SLC10A7: variants seen among roughly 807,000 people sequenced by gnomAD.
SLC10A7 encodes the protein solute carrier family 10 member 7.
SLC10A7 carries 29 observed loss-of-function variants against 43.2 expected under a neutral mutation model. The observed-to-expected ratio is 0.67, with a 90% confidence interval of 0.50 to 0.92. The LOEUF (loss-of-function observed/expected upper bound fraction) is 0.92. Among genes scored for constraint, SLC10A7 ranks in the 40% least tolerant of loss-of-function variants. SLC10A7 has a pLI of 0.00. For synonymous variants in SLC10A7, 152 were observed against 144.8 expected, an observed-to-expected ratio of 1.05 and a Z score of -0.35; for missense variants, 295 against 403.2, an observed-to-expected ratio of 0.73 and a Z score of 2.30.
chr4:146,407,528 T>C (rs914853521), intron 5 of SLC10A7, among the ~76,000 whole-genome samples: 10 of 152,188 alleles, frequency 6.6e-5, no homozygotes, highest in Non-Finnish European at 1.5e-4. Context: ...TGAACAACCA[T>C]TTCCCCCACA....
At chr4:146,315,297 T>C (rs745979417) in intron 6 of SLC10A7, among the ~76,000 whole-genome samples, 17 of 152,104 alleles carry the variant, frequency 1.1e-4, no homozygotes, top group Non-Finnish European at 2.2e-4. Flanking sequence ...ACTTTTCAAG[T>C]TTTAGAATCT....
chr4:146,369,729 G>A (rs920763602), intron 5 of SLC10A7, among the ~76,000 whole-genome samples: 15 of 152,206 alleles, frequency 9.9e-5, no homozygotes, highest in Middle Eastern at 3.4e-3. Flanking sequence ...CATAGCCTAG[G>A]AATCCCAATA....
chr4:146,335,251 T>TAAAA (rs34522588), intron 5 of SLC10A7, among the ~76,000 whole-genome samples: 7 of 92,636 alleles, frequency 7.6e-5, no homozygotes, highest in African/African-American at 3.0e-4. Context: ...ACAGATGTTG[T>TAAAA]AAAAAAAAAA....
chr4:146,451,567 G>A (rs1731607790), intron 4 of SLC10A7, among the ~76,000 whole-genome samples: 1 of 152,042 alleles, frequency 6.6e-6, no homozygotes, highest in Non-Finnish European at 1.5e-5. Context: ...TGCAAGGATG[G>A]TTCAACACAT....
intron 9 of SLC10A7, among the ~76,000 whole-genome samples, chr4:146,292,320 T>A (rs1396514519): frequency 1.3e-5 from 2 of 152,132 alleles, no homozygotes; most frequent in Non-Finnish European, 2.9e-5. Flanking sequence ...ATCAGTAAGA[T>A]ATCCATTGAA....
At chr4:146,265,931 T>TGTTTA (rs974192290) in intron 10 of SLC10A7, among the ~76,000 whole-genome samples, 101 of 152,358 alleles carry the variant, frequency 6.6e-4, no homozygotes, top group African/African-American at 2.2e-3. Flanking sequence ...ACACACGTTG[T>TGTTTA]GCCTTTTGAA....
intron 5 of SLC10A7, among the ~76,000 whole-genome samples, chr4:146,413,304 A>C (rs1728332148): frequency 6.6e-6 from 1 of 152,130 alleles, no homozygotes. Context: ...TGTTTTTTAA[A>C]AATAGGTTTC....
At chr4:146,320,749 G>A (rs1732650945) in intron 6 of SLC10A7, among the ~76,000 whole-genome samples, 1 of 151,766 alleles carries the variant, frequency 6.6e-6, no homozygotes, top group Non-Finnish European at 1.5e-5. Flanking sequence ...CATTTTTTTT[G>A]GACTGATAGT....
Position 146,325,594 on chromosome 4 carries a change from G to A in SLC10A7, c.471+367C>T, listed in dbSNP as rs1733047000. Reference sequence around the variant, plus strand: ...GAACCCAAGCTTCCTCTGATCCCTGGTCCTAGGGCTCTTTCTGTTAAACAC... The same window carrying A: ...GAACCCAAGCTTCCTCTGATCCCTGATCCTAGGGCTCTTTCTGTTAAACAC... On this transcript the variant is annotated intron_variant, in intron 6 of 11. Transcript: ENST00000335472. 1.3e-5 allele frequency among the ~76,000 whole-genome samples: 2 copies of A among 152,090 alleles called. 1 individual carries two copies. Among genetic ancestry groups the A allele is most frequent in the South Asian group, 4.1e-4 (2 of 4,822 alleles).
chr4:146,269,690 T>C (rs528433723), intron 10 of SLC10A7, among the ~76,000 whole-genome samples: 4 of 152,296 alleles, frequency 2.6e-5, no homozygotes, highest in South Asian at 2.1e-4. Context: ...TGTATTTTTA[T>C]ATAAATGAAG....
At chr4:146,475,804 C>T (rs1271358426) in intron 4 of SLC10A7, among the ~76,000 whole-genome samples, 4 of 152,192 alleles carry the variant, frequency 2.6e-5, no homozygotes, top group Non-Finnish European at 5.9e-5. Flanking sequence ...ACTGTATACA[C>T]AACCTTGAAG....
At chr4:146,286,659 G>T (rs576935515) in intron 9 of SLC10A7, among the ~76,000 whole-genome samples, 16 of 150,032 alleles carry the variant, frequency 1.1e-4, no homozygotes, top group Non-Finnish European at 1.8e-4. Flanking sequence ...ACCGTGTCTG[G>T]AGTGGTGAGA....
At chr4:146,305,751 A>C (rs1053404900) in intron 7 of SLC10A7, among the ~76,000 whole-genome samples, 175 bp downstream of exon 7, 3 of 152,068 alleles carry the variant, frequency 2.0e-5, no homozygotes, top group African/African-American at 7.2e-5. Flanking sequence ...GATTAGTATT[A>C]ATTTAAAAAA....
rs762300102 is a variant in SLC10A7, at chr4:146,254,619, C to T, written c.*1872G>A. On this transcript the variant is annotated 3_prime_UTR_variant, in exon 12 of 12. Transcript: ENST00000335472. ...GAATTTTATCCCATGATCACACCTA[C>T]TATAGGTGTTAGACAATAGAGGTAG... The T allele has an allele frequency of 2.6e-4, 40 of 152,284 alleles. No individual in the cohort carries two copies. The highest frequency in any genetic ancestry group is 6.2e-4 in the South Asian group (3 of 4,826). The allele number at this position is 152,284 out of a possible 1,614,324, so 9.4% of individuals were successfully genotyped here. A position where few individuals can be genotyped will look rare whatever the true frequency, so the allele number is the denominator to read the frequency against.
intron 4 of SLC10A7, among the ~76,000 whole-genome samples, chr4:146,499,590 A>T (rs1024466979): frequency 6.6e-6 from 1 of 152,172 alleles, no homozygotes; most frequent in Admixed American, 6.5e-5. Flanking sequence ...AATCTGGTGA[A>T]AATATGAAAT....
chr4:146,420,156 C>T (rs1245093473), intron 5 of SLC10A7, among the ~76,000 whole-genome samples: 3 of 152,134 alleles, frequency 2.0e-5, no homozygotes, highest in Non-Finnish European at 4.4e-5. Flanking sequence ...TCACTTAACA[C>T]CCATGTGTTC....
chr4:146,517,710 T>C (rs534482268), intron 1 of SLC10A7, among the ~76,000 whole-genome samples: 3 of 152,246 alleles, frequency 2.0e-5, no homozygotes, highest in East Asian at 1.9e-4. Flanking sequence ...CATCCTTCAA[T>C]AGAGGTCCTA....
At chr4:146,323,654 C>T (rs573019854) in intron 6 of SLC10A7, among the ~76,000 whole-genome samples, 5 of 152,100 alleles carry the variant, frequency 3.3e-5, no homozygotes, top group South Asian at 2.1e-4. Context: ...AGTCAGGTAG[C>T]GTGATGCCTC....
chr4:146,293,396 AG>A (rs1310394110), intron 8 of SLC10A7, among the ~76,000 whole-genome samples: 1 of 152,200 alleles, frequency 6.6e-6, no homozygotes, highest in Non-Finnish European at 1.5e-5. Flanking sequence ...ATAGAACAAA[AG>A]GTTGCTTTTT....
Sources: gnomAD v4.1 joint callset for allele counts (sites outside exome capture counted in the v4.1 genomes callset) on GRCh38, gnomAD v4.1.1 for gene constraint, MANE v1.5 for transcripts, NCBI Gene and HGNC (gene_info 2026-07-23, HGNC 2026-07-21) for gene names.